The following DPY19L1 variants were observed in gnomAD, a reference collection of about 807,000 sequenced individuals.
DPY19L1 encodes protein C-mannosyl-transferase DPY19L1.
Under a neutral mutation model 96.9 loss-of-function variants are expected in DPY19L1, and 35 were observed. The ratio of observed to expected loss-of-function variants is 0.36; its 90% CI spans 0.28 to 0.48. The LOEUF (loss-of-function observed/expected upper bound fraction) is 0.48. Ranked by LOEUF, DPY19L1 falls within the 20% of genes least tolerant of loss-of-function variation. DPY19L1 has a pLI of 0.99. For missense variants in DPY19L1, 521 were observed against 777.9 expected, an observed-to-expected ratio of 0.67 and a Z score of 3.93; for synonymous variants, 205 against 252.6, an observed-to-expected ratio of 0.81 and a Z score of 1.79.
At chr7:35,037,815 C>A, upstream of DPY19L1, 1 of 1,226,560 alleles carries the variant, frequency 8.2e-7, no homozygotes, top group East Asian at 3.2e-5. Context: ...CGGCTACCCA[C>A]ACCTCTTCGG....
intron 1 of DPY19L1, among the ~76,000 whole-genome samples, chr7:35,036,367 A>C (rs1786399238): frequency 6.6e-6 from 1 of 152,166 alleles, no homozygotes; most frequent in South Asian, 2.1e-4. Context: ...ACCAGGAAAC[A>C]GAGGAAACCT....
Position 34,973,625 on chromosome 7 carries a change from G to C in DPY19L1, c.823-20C>G. The C allele has an allele frequency of 7.3e-7, 1 of 1,369,366 alleles. No homozygotes were observed. Among genetic ancestry groups the C allele is most frequent in the African/African-American group, 1.5e-5 (1 of 67,116 alleles). The allele number at this position is 1,369,366 out of a possible 1,614,324, so 84.8% of individuals were successfully genotyped here. A position where few individuals can be genotyped will look rare whatever the true frequency, so the allele number is the denominator to read the frequency against. ...GGTACACTGAAAAAAAAAATTTGTA[G>C]TATAGTATACTTGCTAAATTTACTA... is the stretch of plus-strand genomic sequence containing the variant. On this transcript the variant is annotated intron_variant, in intron 7 of 21. Coordinates refer to ENST00000638088, the MANE Select transcript of DPY19L1 (RefSeq NM_001366673.1).
At chr7:34,989,819 A>G in intron 7 of DPY19L1, 65 bp downstream of exon 7, 1 of 1,322,302 alleles carries the variant, frequency 7.6e-7, no homozygotes, top group Non-Finnish European at 1.0e-6. Context: ...GCCATTATAG[A>G]TTAAATTTAA....
chr7:34,979,781 C>A (rs73098771), intron 7 of DPY19L1, among the ~76,000 whole-genome samples: 1 of 152,056 alleles, frequency 6.6e-6, no homozygotes, highest in Non-Finnish European at 1.5e-5. Flanking sequence ...TTAAAGGAGA[C>A]GAATATAAAT....
chr7:34,999,077 A>C (rs1213928335), intron 6 of DPY19L1, among the ~76,000 whole-genome samples: 1 of 152,260 alleles, frequency 6.6e-6, no homozygotes, highest in African/African-American at 2.4e-5. Flanking sequence ...TAATACTAAA[A>C]AAAGTTTTCC....
At position 34,983,059 on chromosome 7, in the gene DPY19L1, A is replaced by G. The variant is rs192210615; in HGVS notation, c.822+6825T>C. Among the ~76,000 whole-genome samples the G allele has an allele frequency of 1.6e-3, 242 of 152,370 alleles. 3 individuals carry two copies. Among genetic ancestry groups the G allele is most frequent in the Non-Finnish European group, 1.2e-3 (84 of 68,042 alleles). ...CTGTAATTCATTTGAAACTGGAAGTAAACTAAAACAAATTAAAACTATACT... is the reference window on the plus strand; with the variant it reads ...CTGTAATTCATTTGAAACTGGAAGTGAACTAAAACAAATTAAAACTATACT... On this transcript the variant is annotated intron_variant, in intron 7 of 21. Transcript: ENST00000638088.
intron 7 of DPY19L1, among the ~76,000 whole-genome samples, chr7:34,981,378 T>C (rs1014191217): frequency 6.6e-6 from 1 of 152,208 alleles, no homozygotes; most frequent in African/African-American, 2.4e-5. Flanking sequence ...CAATGGCTAA[T>C]GTAATAACTA....
upstream of DPY19L1, chr7:35,037,649 C>A (rs1318490854): frequency 8.7e-6 from 2 of 230,910 alleles, no homozygotes; most frequent in Non-Finnish European, 1.5e-5. Flanking sequence ...CCGGTTGTCA[C>A]GGCGACCGCG....
chr7:34,934,152 A>G (rs1290458159), intron 21 of DPY19L1, among the ~76,000 whole-genome samples: 3 of 151,950 alleles, frequency 2.0e-5, no homozygotes, highest in African/African-American at 7.3e-5. Flanking sequence ...TTTAGTAGAC[A>G]TAAGGTTTCA....
At chr7:34,961,921 G>T (rs1784508630) in intron 10 of DPY19L1, among the ~76,000 whole-genome samples, 1 of 152,174 alleles carries the variant, frequency 6.6e-6, no homozygotes, top group Non-Finnish European at 1.5e-5. Context: ...ACATCTACTG[G>T]ATGCCCAAAA....
intron 6 of DPY19L1, among the ~76,000 whole-genome samples, chr7:35,004,504 G>A (rs1233133269): frequency 6.6e-6 from 1 of 152,202 alleles, no homozygotes; most frequent in Admixed American, 6.5e-5. Context: ...AATGTATTAA[G>A]AAGGAATTTT....
At chr7:35,005,372 G>T (rs1409768420) in intron 6 of DPY19L1, among the ~76,000 whole-genome samples, 1 of 151,570 alleles carries the variant, frequency 6.6e-6, no homozygotes, top group African/African-American at 2.4e-5. Context: ...CAAAGGCAGG[G>T]CTGCTAAGTA....
At position 35,028,247 on chromosome 7, in the gene DPY19L1, G is replaced by A. The variant is rs571412192; in HGVS notation, c.298+8850C>T. 1.6e-4 allele frequency among the ~76,000 whole-genome samples: 24 copies of A among 152,270 alleles called. 1 individual carries two copies. The South Asian group carries it at 4.3e-3, about 28-fold the overall frequency. ...CTCGAAGATGTTAAGCACATTCAAC[G>A]AAGAGGATGCACTAGCACACAGGAG... is the stretch of plus-strand genomic sequence containing the variant. On this transcript the variant is annotated intron_variant, in intron 1 of 21. Coordinates refer to ENST00000638088, the MANE Select transcript of DPY19L1 (RefSeq NM_001366673.1).
intron 6 of DPY19L1, among the ~76,000 whole-genome samples, chr7:35,008,841 CA>C (rs1785632721): frequency 1.3e-5 from 2 of 152,164 alleles, no homozygotes; most frequent in Non-Finnish European, 2.9e-5. Context: ...GGGCAGTACT[CA>C]GCAAAATGAA....
chr7:34,931,337 C>G lies in DPY19L1; in HGVS notation c.*236G>C, dbSNP rs1783748490. The G allele has an allele frequency of 5.2e-6, 2 of 386,538 alleles. No individual in the cohort carries two copies. The highest frequency in any genetic ancestry group is 8.7e-6 in the Non-Finnish European group (2 of 229,954). The allele number at this position is 386,538 out of a possible 1,614,324, so 23.9% of individuals were successfully genotyped here. ...TTAGCACAAATATTAAAGTCAAGTA[C>G]AAGCATATACTCATTTGCATAGCAA... On this transcript the variant is annotated 3_prime_UTR_variant, in exon 22 of 22. Transcript: ENST00000638088.
chr7:34,956,084 A>C (rs1445824553), intron 11 of DPY19L1, among the ~76,000 whole-genome samples: 1 of 152,208 alleles, frequency 6.6e-6, no homozygotes, highest in Admixed American at 6.5e-5. Context: ...AATATGCTTA[A>C]TTCGTACCTA....
At chr7:34,967,553 AT>A (rs1784637327) in intron 9 of DPY19L1, among the ~76,000 whole-genome samples, 1 of 152,168 alleles carries the variant, frequency 6.6e-6, no homozygotes, top group Admixed American at 6.5e-5. Flanking sequence ...TTGGAAGAAA[AT>A]TGTATGTTAT....
rs1783756629 is a variant in DPY19L1, at chr7:34,931,738, ATG to A, written c.2091-11_2091-10del. ...GCATACTGCAACCAGGCCTAGAAAA[ATG>A]AATGTACATGTTAAAAATCAATATG... is the stretch of plus-strand genomic sequence containing the variant. On this transcript the variant is annotated splice_polypyrimidine_tract_variant and intron_variant, in intron 21 of 21. Coordinates refer to ENST00000638088, the MANE Select transcript of DPY19L1 (RefSeq NM_001366673.1). 6.4e-7 allele frequency: 1 copy of A among 1,571,902 alleles called. No individual in the cohort carries two copies. Among genetic ancestry groups the A allele is most frequent in the East Asian group, 2.2e-5 (1 of 44,538 alleles).
chr7:34,937,318 G>A (rs1292998924), intron 21 of DPY19L1, among the ~76,000 whole-genome samples: 3 of 152,082 alleles, frequency 2.0e-5, no homozygotes, highest in Non-Finnish European at 4.4e-5. Context: ...TTGCTGACAG[G>A]GTATCCCATC....
Sources: gnomAD v4.1 joint callset for allele counts (sites outside exome capture counted in the v4.1 genomes callset) on GRCh38, gnomAD v4.1.1 for gene constraint, MANE v1.5 for transcripts, NCBI Gene and HGNC (gene_info 2026-07-23, HGNC 2026-07-21) for gene names.